ZC3H11A: variants seen among roughly 807,000 people sequenced by gnomAD.
The protein encoded by ZC3H11A is zinc finger CCCH-type containing 11A.
In ZC3H11A, 22 loss-of-function variants were observed where a neutral mutation model predicts 90.8. That is an observed-to-expected ratio of 0.24 (90% CI 0.17 to 0.35). The LOEUF is 0.35. Among genes scored for constraint, ZC3H11A ranks in the 10% least tolerant of loss-of-function variants. The pLI, the probability that ZC3H11A is intolerant of heterozygous loss-of-function variation, is 1.00. For synonymous variants in ZC3H11A, 294 were observed against 339.8 expected (o/e 0.87, Z 1.48); for missense variants, 701 against 964.9 (o/e 0.73, Z 3.62).
chr1:203,810,423 G>GTTTT lies in ZC3H11A; in HGVS notation c.-145-6492_-145-6489dup, dbSNP rs765335556. Among the ~76,000 whole-genome samples the GTTTT allele has an allele frequency of 1.2e-3, 171 of 138,786 alleles. 1 individual carries two copies. Among genetic ancestry groups the GTTTT allele is most frequent in the East Asian group, 6.6e-3 (31 of 4,668 alleles). 91.0% of individuals were successfully genotyped at this position (138,786 alleles called of 152,430 possible). A position where few individuals can be genotyped will look rare whatever the true frequency, so the allele number is the denominator to read the frequency against. On this transcript the variant is annotated intron_variant, in intron 2 of 17. Transcript: ENST00000367210. ...TCTTGTTTTACATTGTAGCTGTTAG[G>GTTTT]TTTTTTTTTTTTTTGAGACAGAGTC...
chr1:203,831,354 A>T (rs1260408652), intron 8 of ZC3H11A, among the ~76,000 whole-genome samples: 1 of 152,104 alleles, frequency 6.6e-6, no homozygotes, highest in African/African-American at 2.4e-5. Flanking sequence ...TGGCTAGTGT[A>T]CCTCTGAGGT....
At chr1:203,815,874 TGCTTTTGTAGAA>T (rs1326468743) in intron 2 of ZC3H11A, among the ~76,000 whole-genome samples, 1 of 152,238 alleles carries the variant, frequency 6.6e-6, no homozygotes, top group Non-Finnish European at 1.5e-5. Flanking sequence ...TTTTGTTATA[TGCTTTTGTAGAA>T]GCTTGCTTGG....
At chr1:203,850,293 A>G (rs114332406) in intron 15 of ZC3H11A, 198 of 686,240 alleles carry the variant, frequency 2.9e-4, no homozygotes, top group African/African-American at 2.9e-3. Flanking sequence ...CAAGGAATAG[A>G]GGAATGGTAA....
chr1:203,798,993 C>T, intron 1 of ZC3H11A: 1 of 1,536,096 alleles, frequency 6.5e-7, no homozygotes, highest in Non-Finnish European at 8.7e-7. Context: ...GACCCATGAC[C>T]CATCCACTGA....
At chr1:203,803,668 T>C (rs1003775235) in intron 2 of ZC3H11A, among the ~76,000 whole-genome samples, 3 of 152,184 alleles carry the variant, frequency 2.0e-5, no homozygotes, top group Non-Finnish European at 4.4e-5. Flanking sequence ...TGCAGTGGCA[T>C]GATCATAGCT....
chr1:203,819,231 T>A (rs1384254242), intron 4 of ZC3H11A, among the ~76,000 whole-genome samples: 16 of 150,784 alleles, frequency 1.1e-4, no homozygotes, highest in South Asian at 2.1e-4. Context: ...TTTTTATTTT[T>A]TTTTTTTTGA....
chr1:203,804,818 G>A (rs1030435164), intron 2 of ZC3H11A, among the ~76,000 whole-genome samples: 6 of 151,516 alleles, frequency 4.0e-5, no homozygotes, highest in Middle Eastern at 3.4e-3. Flanking sequence ...GATTACAGGC[G>A]CATGCCACCA....
chr1:203,832,941 G>C (rs1353323838), intron 9 of ZC3H11A, among the ~76,000 whole-genome samples: 4 of 152,128 alleles, frequency 2.6e-5, no homozygotes, highest in African/African-American at 7.2e-5. Flanking sequence ...TTAATAATTA[G>C]TACTATTCTA....
At chr1:203,810,053 CTTTGT>C (rs1215135409) in intron 2 of ZC3H11A, among the ~76,000 whole-genome samples, 1 of 151,138 alleles carries the variant, frequency 6.6e-6, no homozygotes, top group African/African-American at 2.4e-5. Flanking sequence ...GGATGTGCAT[CTTTGT>C]TTTGTGTTTT....
rs1386134527 is a variant in ZC3H11A, at chr1:203,847,255, A to G, written c.1114A>G (p.Lys372Glu). Reference sequence around the variant, plus strand: ...AATTCTTCTTGAAAGAGCCAGTCAGAAACGTGGAGAATTGCAAACTAAACT... The same window carrying G: ...AATTCTTCTTGAAAGAGCCAGTCAGGAACGTGGAGAATTGCAAACTAAACT... ...EEILLERASQ[K>E]RGELQTKLKT... The change falls in exon 13 of 18, where the codon AAA becomes GAA. Residue 372 changes from lysine to glutamate, a missense_variant. By Grantham distance (56) the Lys-to-Glu change is moderately conservative. This residue lies in a region of ZC3H11A where 530 missense variants were observed against 696.2 expected (regional missense o/e 0.76). Transcript: ENST00000367210. The G allele has an allele frequency of 4.3e-6, 7 of 1,613,838 alleles. No individual in the cohort carries two copies. Among genetic ancestry groups the G allele is most frequent in the Non-Finnish European group, 5.9e-6 (7 of 1,179,872 alleles).
intron 17 of ZC3H11A, 142 bp downstream of exon 17, chr1:203,851,266 A>G (rs772114581): frequency 7.3e-5 from 55 of 753,184 alleles, no homozygotes; most frequent in Non-Finnish European, 1.1e-4. Flanking sequence ...AAGTATGAAA[A>G]TCTAGGGTTG....
intron 2 of ZC3H11A, among the ~76,000 whole-genome samples, chr1:203,814,004 A>G (rs1260672252): frequency 6.6e-6 from 1 of 150,944 alleles, no homozygotes; most frequent in Non-Finnish European, 1.5e-5. Flanking sequence ...TAGAGTGAGA[A>G]TTTTCTAAAT....
intron 2 of ZC3H11A, among the ~76,000 whole-genome samples, chr1:203,809,428 G>T (rs1452863919): frequency 6.6e-6 from 1 of 151,490 alleles, no homozygotes; most frequent in Admixed American, 6.6e-5. Context: ...GCCCATCTCC[G>T]AAATCCCAGG....
chr1:203,833,524 C>G (rs1683152734), intron 9 of ZC3H11A, among the ~76,000 whole-genome samples: 1 of 149,948 alleles, frequency 6.7e-6, no homozygotes, highest in African/African-American at 2.5e-5. Flanking sequence ...GAGCAAGAGT[C>G]TATTATTATT....
chr1:203,815,646 A>G (rs138807030), intron 2 of ZC3H11A, among the ~76,000 whole-genome samples: 4 of 152,322 alleles, frequency 2.6e-5, no homozygotes, highest in East Asian at 1.9e-4. Context: ...ACATTTGGGT[A>G]CATGTTTAGT....
At chr1:203,825,497 C>G (rs1040675833) in intron 4 of ZC3H11A, among the ~76,000 whole-genome samples, 2 of 140,040 alleles carry the variant, frequency 1.4e-5, no homozygotes, top group African/African-American at 2.7e-5. Context: ...TGCAGTGGCT[C>G]CATCTTGGCT....
chr1:203,824,330 A>T (rs1464247844), intron 4 of ZC3H11A, among the ~76,000 whole-genome samples: 1 of 152,008 alleles, frequency 6.6e-6, no homozygotes, highest in Non-Finnish European at 1.5e-5. Flanking sequence ...CTTGCATATG[A>T]ATTTTAAAAA....
chr1:203,835,802 A>C (rs1304231420), intron 10 of ZC3H11A: 1 of 243,376 alleles, frequency 4.1e-6, no homozygotes, highest in Non-Finnish European at 9.2e-6. Context: ...ATTTTGTTTC[A>C]TCTGGGGCAT....
At position 203,822,082 on chromosome 1, in the gene ZC3H11A, G is replaced by A. The variant is rs1413351344; in HGVS notation, c.174+3393G>A. On this transcript the variant is annotated intron_variant, in intron 4 of 17. Transcript: ENST00000367210. ...CTATGTATTTAATAATAGATACATAGTATTACAAATTATGAGTTCATATAG... is the reference window on the plus strand; with the variant it reads ...CTATGTATTTAATAATAGATACATAATATTACAAATTATGAGTTCATATAG... 2.6e-5 allele frequency among the ~76,000 whole-genome samples: 4 copies of A among 152,212 alleles called. 1 individual carries two copies. Among genetic ancestry groups the A allele is most frequent in the Admixed American group, 1.3e-4 (2 of 15,286 alleles).
Sources: allele counts gnomAD v4.1 joint callset (sites outside exome capture counted in the v4.1 genomes callset), GRCh38; gene constraint gnomAD v4.1.1; regional missense constraint gnomAD v4.1.1; transcripts MANE v1.5; gene names NCBI Gene and HGNC (gene_info 2026-07-23, HGNC 2026-07-21).